Variants in DNAH14 observed in about 807,000 individuals in gnomAD.
DNAH14 encodes the protein dynein axonemal heavy chain 14, also known as axonemal beta dynein heavy chain 14.
DNAH14 carries 478 observed loss-of-function variants against 520.9 expected under a neutral mutation model. The observed-to-expected ratio is 0.92, with a 90% CI of 0.85 to 0.99. DNAH14 has a LOEUF of 0.99. DNAH14 is among the 50% of genes least tolerant of loss of function. The pLI, the probability that DNAH14 is intolerant of heterozygous loss-of-function variation, is 0.00. For synonymous variants in DNAH14, 1,581 were observed against 1,757.2 expected (o/e 0.90, Z 2.51); for missense variants, 4,831 against 5,234.5 (o/e 0.92, Z 2.38).
At chr1:225,103,237 C>G (rs973044452) in intron 23 of DNAH14, among the ~76,000 whole-genome samples, 2 of 152,136 alleles carry the variant, frequency 1.3e-5, no homozygotes, top group Non-Finnish European at 2.9e-5. Context: ...CTGTTCTGTT[C>G]CATTGATCTA....
intron 42 of DNAH14, among the ~76,000 whole-genome samples, chr1:225,238,012 C>T (rs1460630051): frequency 2.6e-5 from 4 of 152,152 alleles, no homozygotes; most frequent in Non-Finnish European, 5.9e-5. Flanking sequence ...TTATCAGCTC[C>T]TGTATTTTTT....
chr1:225,183,906 C>T (rs1008079905), intron 36 of DNAH14, among the ~76,000 whole-genome samples: 1 of 151,952 alleles, frequency 6.6e-6, no homozygotes, highest in African/African-American at 2.4e-5. Context: ...ACCCACAACA[C>T]GTTCCAAAAT....
At chr1:225,063,579 C>G (rs1004700472) in intron 17 of DNAH14, among the ~76,000 whole-genome samples, 6 of 151,904 alleles carry the variant, frequency 3.9e-5, no homozygotes, top group African/African-American at 1.5e-4. Context: ...GAAATAGAAT[C>G]AATTGCAAAG....
rs373755358 is a variant in DNAH14, at chr1:225,132,104, G to A, written c.4254+8490G>A. On this transcript the variant is annotated intron_variant, in intron 27 of 85. Coordinates refer to ENST00000682510, the MANE Select transcript of DNAH14 (RefSeq NM_001367479.1). ...CATTTTTAAAGACTCTACAGAGATC[G>A]GTAAACTATATTATATCTGTCAACA... Among the ~76,000 whole-genome samples, 6 of 152,094 alleles carry A rather than the reference G, an allele frequency of 3.9e-5. No homozygotes were observed. The South Asian group carries it at 6.3e-4, about 16-fold the overall frequency.
chr1:225,395,107 G>A (rs1215052634), intron 84 of DNAH14, among the ~76,000 whole-genome samples: 1 of 152,156 alleles, frequency 6.6e-6, no homozygotes, highest in Non-Finnish European at 1.5e-5. Context: ...TATAAGGTAT[G>A]ATTCCTATAT....
intron 54 of DNAH14, among the ~76,000 whole-genome samples, chr1:225,282,607 T>G (rs2093651072): frequency 6.6e-6 from 1 of 152,134 alleles, no homozygotes; most frequent in Non-Finnish European, 1.5e-5. Flanking sequence ...CCAGTTACTA[T>G]TGTTAGCAAC....
At position 225,351,833 on chromosome 1, in the gene DNAH14, T is replaced by C; in HGVS notation, c.11483T>C (p.Phe3828Ser). 6.4e-7 allele frequency: 1 copy of C among 1,551,254 alleles called. No homozygotes were observed. Reference sequence around the variant, plus strand: ...GTTTATTCTCTGATCAGCACACCTTTCTCTTCAGAAAATGCTTCATTGGAG... The same window carrying C: ...GTTTATTCTCTGATCAGCACACCTTCCTCTTCAGAAAATGCTTCATTGGAG... Reference protein sequence around the residue: ...KAVYSLISTPFSSENASLEEN... With the variant: ...KAVYSLISTPSSSENASLEEN... Residue 3828 changes from phenylalanine (F) to serine (S), a missense_variant, in exon 72 of 86, where the codon TTC (phenylalanine) becomes TCC (serine). Coordinates refer to ENST00000682510, the MANE Select transcript of DNAH14 (RefSeq NM_001367479.1).
chr1:224,967,063 T>C (rs1317113245), intron 5 of DNAH14, among the ~76,000 whole-genome samples: 8 of 152,110 alleles, frequency 5.3e-5, no homozygotes, highest in Non-Finnish European at 1.2e-4. Context: ...AAATGACAAA[T>C]TTAATATGCC....
intron 64 of DNAH14, among the ~76,000 whole-genome samples, chr1:225,330,231 G>A (rs1206830711): frequency 6.6e-6 from 1 of 152,102 alleles, no homozygotes; most frequent in Non-Finnish European, 1.5e-5. Context: ...CAACCACTAT[G>A]GAGAACAGTT....
At chr1:225,361,167 A>G (rs937912642) in intron 75 of DNAH14, among the ~76,000 whole-genome samples, 1 of 152,142 alleles carries the variant, frequency 6.6e-6, no homozygotes, top group Non-Finnish European at 1.5e-5. Context: ...CTCTCAATAG[A>G]TATATAAGCA....
intron 31 of DNAH14, among the ~76,000 whole-genome samples, chr1:225,148,826 T>G (rs1174929362): frequency 6.6e-6 from 1 of 152,186 alleles, no homozygotes; most frequent in Non-Finnish European, 1.5e-5. Context: ...TAAAGTTGCT[T>G]ATAGATTCTG....
chr1:225,046,239 A>G (rs2067950769), intron 15 of DNAH14, among the ~76,000 whole-genome samples: 2 of 151,906 alleles, frequency 1.3e-5, no homozygotes, highest in African/African-American at 4.8e-5. Context: ...TGCAATTTAC[A>G]TTCATATTCA....
chr1:225,169,716 G>A (rs1290843487), intron 36 of DNAH14, among the ~76,000 whole-genome samples: 3 of 152,162 alleles, frequency 2.0e-5, no homozygotes. Context: ...TTTTCCAGGA[G>A]AACTTCCCCA....
intron 31 of DNAH14, among the ~76,000 whole-genome samples, chr1:225,148,466 A>G (rs1348206475): frequency 1.4e-5 from 2 of 145,246 alleles, no homozygotes; most frequent in Non-Finnish European, 3.0e-5. Flanking sequence ...CAATGGCACA[A>G]TCTCAGCTCA....
Position 225,126,230 on chromosome 1 carries a change from A to G in DNAH14, c.4254+2616A>G, listed in dbSNP as rs535597283. On this transcript the variant is annotated intron_variant, in intron 27 of 85. Coordinates refer to ENST00000682510, the MANE Select transcript of DNAH14 (RefSeq NM_001367479.1). ...TGAACACATACTATTGGAAAAAATG[A>G]CACTGATAGACTTGCTCAATGCAGG... Among the ~76,000 whole-genome samples the G allele has an allele frequency of 4.2e-3, 633 of 152,286 alleles. 4 individuals are homozygous for G. The highest frequency in any genetic ancestry group is 6.5e-3 in the Non-Finnish European group (445 of 68,022).
chr1:225,383,144 C>T (rs760424372), intron 81 of DNAH14, among the ~76,000 whole-genome samples: 24 of 152,022 alleles, frequency 1.6e-4, no homozygotes, highest in Admixed American at 3.3e-4. Flanking sequence ...AGTGATTATA[C>T]GAAAAACCAT....
At chr1:225,389,248 T>G (rs2095875732) in intron 82 of DNAH14, among the ~76,000 whole-genome samples, 1 of 152,172 alleles carries the variant, frequency 6.6e-6, no homozygotes, top group Non-Finnish European at 1.5e-5. Context: ...ATCCCCATTT[T>G]AGAGATGAGG....
intron 44 of DNAH14, 105 bp from the exon 45 acceptor site, chr1:225,257,855 T>C (rs1050307848): frequency 6.0e-5 from 59 of 984,744 alleles, no homozygotes; most frequent in Non-Finnish European, 8.1e-5. Context: ...TTTTCATATA[T>C]ACAATTAATG....
At position 225,305,064 on chromosome 1, in the gene DNAH14, C is replaced by G. The variant is rs1034955641; in HGVS notation, c.8980C>G (p.Arg2994Gly). ...AACATTTGCACACATTTTGAGGGCA[C>G]GAGAGGAAGAGATGCAAACAAAGAG... ...METFAHILRA[R>G]EEEMQTKRDR... Residue 2994 changes from arginine to glycine, a missense_variant, in exon 58 of 86, where the codon CGA becomes GGA. Coordinates refer to ENST00000682510, the MANE Select transcript of DNAH14 (RefSeq NM_001367479.1). 5 of 1,536,368 alleles carry G rather than the reference C, an allele frequency of 3.3e-6. No individual in the cohort carries two copies. Among genetic ancestry groups the G allele is most frequent in the Non-Finnish European group, 4.4e-6 (5 of 1,143,660 alleles).
Sources: gnomAD v4.1 joint callset for allele counts (sites outside exome capture counted in the v4.1 genomes callset) on GRCh38, gnomAD v4.1.1 for gene constraint, MANE v1.5 for transcripts, NCBI Gene and HGNC (gene_info 2026-07-23, HGNC 2026-07-21) for gene names.